The following RBMS2 variants were observed in gnomAD, a reference collection of about 807,000 sequenced individuals.
RBMS2 encodes RNA binding motif single stranded interacting protein 2, also known as RNA-binding motif, single-stranded-interacting protein 2.
RBMS2 carries 38 observed loss-of-function variants against 58.4 expected under a neutral mutation model. That is an observed-to-expected ratio of 0.65 (90% CI 0.50 to 0.85). RBMS2 has a LOEUF of 0.85. RBMS2 is among the 40% of genes least tolerant of loss of function. RBMS2 has a pLI of 0.00. For missense variants in RBMS2, 367 were observed against 503.7 expected (o/e 0.73, Z 2.60); for synonymous variants, 151 against 180.7 (o/e 0.84, Z 1.32).
chr12:56,594,816 T>G lies in RBMS2; in HGVS notation c.*5683T>G, dbSNP rs1188486804. 1 of 152,270 alleles carries G rather than the reference T, an allele frequency of 6.6e-6. No individual in the cohort carries two copies. The highest frequency in any genetic ancestry group is 2.4e-5 in the African/African-American group (1 of 41,448). 9.4% of individuals were successfully genotyped at this position (152,270 alleles called of 1,614,324 possible). On this transcript the variant is annotated 3_prime_UTR_variant, in exon 14 of 14. Transcript: ENST00000262031. ...GATCCCCAAACTTCCTTGTCCTTGT[T>G]ACACGTCTACCTCACAACCTCACAA...
intron 1 of RBMS2, among the ~76,000 whole-genome samples, chr12:56,543,542 C>G (rs1262303881): frequency 6.9e-6 from 1 of 144,340 alleles, no homozygotes; most frequent in Non-Finnish European, 1.5e-5. Context: ...TAGTCTTGCT[C>G]TGTGGCCCAG....
chr12:56,563,616 TA>T (rs975404234), intron 2 of RBMS2, among the ~76,000 whole-genome samples: 45 of 151,768 alleles, frequency 3.0e-4, no homozygotes, highest in Non-Finnish European at 6.3e-4. Context: ...TAATAAGCAA[TA>T]AAAAATAAAG....
intron 5 of RBMS2, chr12:56,573,087 T>A (rs1882563640): frequency 1.0e-6 from 1 of 964,980 alleles, no homozygotes; most frequent in African/African-American, 1.8e-5. Context: ...TCAAAATGAC[T>A]GGACTAAGTG....
intron 1 of RBMS2, among the ~76,000 whole-genome samples, chr12:56,536,033 T>C (rs1205557562): frequency 1.3e-5 from 2 of 151,878 alleles, no homozygotes; most frequent in Non-Finnish European, 2.9e-5. Flanking sequence ...AAACCCTGTC[T>C]CTATTAAAAA....
rs146335521 is a variant in RBMS2, at chr12:56,547,078, G to A, written c.67-15339G>A. Among the ~76,000 whole-genome samples the A allele has an allele frequency of 7.2e-3, 1,103 of 152,194 alleles. 4 individuals are homozygous for A. The highest frequency in any genetic ancestry group is 0.012 in the Non-Finnish European group (795 of 68,004). On this transcript the variant is annotated intron_variant, in intron 1 of 13. Coordinates refer to ENST00000262031, the MANE Select transcript of RBMS2 (RefSeq NM_002898.4). Reference sequence around the variant, plus strand: ...AAGTTTATTATTCTGGGCCGGGTGCGGTGGCTCACACCTGTAATCCTAGCA... The same window carrying A: ...AAGTTTATTATTCTGGGCCGGGTGCAGTGGCTCACACCTGTAATCCTAGCA...
intron 1 of RBMS2, among the ~76,000 whole-genome samples, chr12:56,557,527 C>T (rs746545347): frequency 1.4e-4 from 22 of 152,178 alleles, no homozygotes; most frequent in Non-Finnish European, 3.2e-4. Flanking sequence ...TGAGAGGGAC[C>T]AGTCCCACAG....
At chr12:56,583,617 A>G (rs1460936532) in intron 9 of RBMS2, among the ~76,000 whole-genome samples, 1 of 151,466 alleles carries the variant, frequency 6.6e-6, no homozygotes, top group African/African-American at 2.4e-5. Flanking sequence ...TCGCGCCACT[A>G]CACTCCAGCC....
At chr12:56,544,598 T>G (rs931581270) in intron 1 of RBMS2, among the ~76,000 whole-genome samples, 14 of 152,024 alleles carry the variant, frequency 9.2e-5, no homozygotes, top group African/African-American at 3.4e-4. Flanking sequence ...TCATCACATT[T>G]TGTTGTTGTT....
chr12:56,522,153 G>T, intron 1 of RBMS2, 64 bp downstream of exon 1: 1 of 1,322,732 alleles, frequency 7.6e-7, no homozygotes, highest in Middle Eastern at 1.8e-4. Context: ...CAATGCCCTT[G>T]GTTTTTACAT....
At position 56,562,600 on chromosome 12, in the gene RBMS2, G is replaced by C. The variant is rs371757965; in HGVS notation, c.233+17G>C. On this transcript the variant is annotated intron_variant, in intron 2 of 13. Transcript: ENST00000262031. ...GTGTCAGCCGTAAGTTGGAGTACAT[G>C]TGCGTAGGCTTCCAGGGACAGTATA... is the stretch of plus-strand genomic sequence containing the variant. 1 of 1,607,678 alleles carries C rather than the reference G, an allele frequency of 6.2e-7. No individual in the cohort carries two copies. The highest frequency in any genetic ancestry group is 1.1e-5 in the South Asian group (1 of 90,914).
Position 56,571,843 on chromosome 12 carries a change from T to C in RBMS2, c.530T>C (p.Val177Ala), listed in dbSNP as rs754909777. 72 of 1,561,526 alleles carry C rather than the reference T, an allele frequency of 4.6e-5. No individual in the cohort carries two copies. Among genetic ancestry groups the C allele is most frequent in the South Asian group, 1.8e-4 (15 of 84,180 alleles). Residue 177 changes from valine to alanine, a missense_variant, in exon 5 of 14, where the codon GTT (valine) becomes GCT (alanine). Coordinates refer to ENST00000262031, the MANE Select transcript of RBMS2 (RefSeq NM_002898.4). ...GATACCAGTGGGACCAGCAGAGGTGTTGGCTTTGCAAGGTGAGGATGGCAG... is the reference window on the plus strand; with the variant it reads ...GATACCAGTGGGACCAGCAGAGGTGCTGGCTTTGCAAGGTGAGGATGGCAG... ...LRDTSGTSRGVGFARMESTEK... is the reference protein window; with the variant it reads ...LRDTSGTSRGAGFARMESTEK...
chr12:56,545,573 T>A (rs1363711313), intron 1 of RBMS2, among the ~76,000 whole-genome samples: 1 of 152,196 alleles, frequency 6.6e-6, no homozygotes, highest in African/African-American at 2.4e-5. Flanking sequence ...TATCACCACT[T>A]AATCCTCCCA....
At chr12:56,588,149 G>C in intron 11 of RBMS2, 145 bp from the exon 12 acceptor site, 1 of 660,624 alleles carries the variant, frequency 1.5e-6, no homozygotes, top group Non-Finnish European at 2.6e-6. Context: ...CACCTGAAGT[G>C]CTTTTAAGAT....
chr12:56,565,296 G>A (rs989989497), intron 2 of RBMS2, among the ~76,000 whole-genome samples: 2 of 152,150 alleles, frequency 1.3e-5, no homozygotes, highest in South Asian at 4.1e-4. Flanking sequence ...GTAAACTCGG[G>A]ACTTGGGTAT....
At chr12:56,541,294 C>A (rs2136300817) in intron 1 of RBMS2, among the ~76,000 whole-genome samples, 1 of 152,114 alleles carries the variant, frequency 6.6e-6, no homozygotes, top group Non-Finnish European at 1.5e-5. Flanking sequence ...AAAAGTGAAT[C>A]TGATTTTCCC....
chr12:56,593,866 A>AAAG lies in RBMS2; in HGVS notation c.*4736_*4738dup, dbSNP rs1885497461. ...CCGGCCCTTTGTAGTGTTTTTAACT[A>AAAG]AAGAATTTGTAGAGTTGCCCAGGCC... is the stretch of plus-strand genomic sequence containing the variant. On this transcript the variant is annotated 3_prime_UTR_variant, in exon 14 of 14. Coordinates refer to ENST00000262031, the MANE Select transcript of RBMS2 (RefSeq NM_002898.4). 3 of 152,336 alleles carry AAAG rather than the reference A, an allele frequency of 2.0e-5. No homozygotes were observed. The highest frequency in any genetic ancestry group is 1.3e-4 in the Admixed American group (2 of 15,290). 9.4% of individuals were successfully genotyped at this position (152,336 alleles called of 1,614,324 possible). A position where few individuals can be genotyped will look rare whatever the true frequency, so the allele number is the denominator to read the frequency against.
At chr12:56,565,180 A>C (rs1881124953) in intron 2 of RBMS2, among the ~76,000 whole-genome samples, 1 of 152,178 alleles carries the variant, frequency 6.6e-6, no homozygotes. Context: ...TAATGACAAG[A>C]AAAAAGTCTG....
chr12:56,561,746 A>G (rs1215244899), intron 1 of RBMS2, among the ~76,000 whole-genome samples: 1 of 86,586 alleles, frequency 1.2e-5, no homozygotes, highest in Non-Finnish European at 2.3e-5. Flanking sequence ...TGAACTCCTG[A>G]CCTCGTGATC....
chr12:56,521,125 G>A (rs1278645128), upstream of RBMS2, among the ~76,000 whole-genome samples: 2 of 152,034 alleles, frequency 1.3e-5, no homozygotes, highest in Non-Finnish European at 2.9e-5. Flanking sequence ...TTGTTCCTTT[G>A]TACATTAAGA....
Sources: gnomAD v4.1 joint callset for allele counts (sites outside exome capture counted in the v4.1 genomes callset) on GRCh38, gnomAD v4.1.1 for gene constraint, MANE v1.5 for transcripts, NCBI Gene and HGNC (gene_info 2026-07-23, HGNC 2026-07-21) for gene names.